The following SLC9A7 variants were observed in gnomAD, a reference collection of about 807,000 sequenced individuals.
SLC9A7 encodes solute carrier family 9 member A7, also known as sodium/hydrogen exchanger 7.
In SLC9A7, 19 loss-of-function variants were observed where a neutral mutation model predicts 52.6. The ratio of observed to expected loss-of-function variants is 0.36; its 90% CI spans 0.25 to 0.53. SLC9A7 has a LOEUF of 0.53. Among genes scored for constraint, SLC9A7 ranks in the 20% least tolerant of loss-of-function variants. The pLI is 0.91. For synonymous variants in SLC9A7, 226 were observed against 252.1 expected (o/e 0.90, Z 0.98); for missense variants, 455 against 597.9 (o/e 0.76, Z 2.49).
At chrX:46,695,221 T>A (rs188583433) in intron 1 of SLC9A7, among the ~76,000 whole-genome samples, 213 of 112,659 alleles carry the variant, frequency 1.9e-3, no homozygotes, top group African/African-American at 2.4e-3. Flanking sequence ...AGTTTTTTTT[T>A]AAAAAAAGAG....
intron 1 of SLC9A7, among the ~76,000 whole-genome samples, chrX:46,737,865 A>G (rs904794332): frequency 4.6e-5 from 5 of 108,739 alleles, no homozygotes; most frequent in Non-Finnish European, 9.5e-5. Flanking sequence ...CATCTCTACA[A>G]AATTAAAAAA....
chrX:46,701,464 G>A (rs1325962185), intron 1 of SLC9A7, among the ~76,000 whole-genome samples: 5 of 111,366 alleles, frequency 4.5e-5, no homozygotes, highest in Non-Finnish European at 9.4e-5. Flanking sequence ...GCACATGCCT[G>A]TAGTCCCAGC....
intron 15 of SLC9A7, 63 bp downstream of exon 15, chrX:46,620,914 C>A: frequency 1.2e-6 from 1 of 850,903 alleles, no homozygotes. Context: ...CATTCACCGA[C>A]AATTCAACAA....
intron 14 of SLC9A7, among the ~76,000 whole-genome samples, chrX:46,625,894 G>A (rs1220432014): frequency 9.0e-6 from 1 of 111,692 alleles, no homozygotes; most frequent in Admixed American, 9.5e-5. Flanking sequence ...CAACCTGAAT[G>A]AGCCTGGAAG....
At chrX:46,653,207 C>G (rs1240737800) in intron 8 of SLC9A7, among the ~76,000 whole-genome samples, 1 of 110,844 alleles carries the variant, frequency 9.0e-6, no homozygotes, top group Admixed American at 9.6e-5. Flanking sequence ...CCAGCCTGGA[C>G]AACATAGCAA....
At chrX:46,717,070 T>C (rs1029191340) in intron 1 of SLC9A7, among the ~76,000 whole-genome samples, 1 of 112,729 alleles carries the variant, frequency 8.9e-6, no homozygotes, top group Admixed American at 9.4e-5. Flanking sequence ...TGTCCCATTC[T>C]TGAGTAAGTA....
At chrX:46,616,179 A>G (rs376230459) in intron 15 of SLC9A7, among the ~76,000 whole-genome samples, 17 of 107,488 alleles carry the variant, frequency 1.6e-4, no homozygotes, top group African/African-American at 5.7e-4. Context: ...AAAAGCAAAA[A>G]TTAGCAGGGT....
chrX:46,742,819 G>A (rs1489694075), intron 1 of SLC9A7, among the ~76,000 whole-genome samples: 1 of 112,098 alleles, frequency 8.9e-6, no homozygotes, highest in African/African-American at 3.2e-5. Context: ...GGAGGCCAAG[G>A]TGGGAGGATC....
At chrX:46,689,210 G>T (rs752104539) in intron 1 of SLC9A7, among the ~76,000 whole-genome samples, 1 of 111,865 alleles carries the variant, frequency 8.9e-6, no homozygotes, top group Non-Finnish European at 1.9e-5. Context: ...GTTTTGTTTT[G>T]TTTTTTCCAT....
At chrX:46,732,717 T>G (rs1406501516) in intron 1 of SLC9A7, among the ~76,000 whole-genome samples, 1 of 111,878 alleles carries the variant, frequency 8.9e-6, no homozygotes, top group African/African-American at 3.3e-5. Flanking sequence ...CCTTTTAATC[T>G]AACAGTCCCA....
At chrX:46,732,532 G>A (rs745600960) in intron 1 of SLC9A7, among the ~76,000 whole-genome samples, 2 of 107,832 alleles carry the variant, frequency 1.9e-5, no homozygotes, top group South Asian at 4.1e-4. Context: ...CAGTCTGGGC[G>A]ACAGATTGAG....
chrX:46,675,060 AATGTGTGTGT>A (rs1569515601), intron 3 of SLC9A7, among the ~76,000 whole-genome samples: 1 of 39,868 alleles, frequency 2.5e-5, no homozygotes, highest in African/African-American at 7.5e-5. Flanking sequence ...AGAGAGAGTG[AATGTGTGTGT>A]GTGTGTGTGT....
chrX:46,686,584 C>G (rs149804126), intron 1 of SLC9A7, among the ~76,000 whole-genome samples: 1 of 109,960 alleles, frequency 9.1e-6, no homozygotes, highest in Admixed American at 9.6e-5. Flanking sequence ...GTGGTCATAG[C>G]TACAAGGAAT....
intron 1 of SLC9A7, among the ~76,000 whole-genome samples, chrX:46,736,096 T>A (rs944010812): frequency 1.8e-5 from 2 of 111,722 alleles, no homozygotes; most frequent in African/African-American, 6.5e-5. Flanking sequence ...CCATTCTCAT[T>A]CTCTCTCTTC....
At chrX:46,744,906 A>G (rs186515171) in intron 1 of SLC9A7, among the ~76,000 whole-genome samples, 5 of 110,925 alleles carry the variant, frequency 4.5e-5, no homozygotes, top group Non-Finnish European at 7.5e-5. Context: ...TCAAAGGTTT[A>G]CAGCAACCAA....
At chrX:46,609,731 A>T (rs990833310) in intron 16 of SLC9A7, among the ~76,000 whole-genome samples, 1 of 110,304 alleles carries the variant, frequency 9.1e-6, no homozygotes, top group African/African-American at 3.3e-5. Flanking sequence ...GAAAACAAAA[A>T]AAAACCCATG....
chrX:46,675,752 G>A (rs1343744258), intron 3 of SLC9A7, among the ~76,000 whole-genome samples: 2 of 112,591 alleles, frequency 1.8e-5, no homozygotes, highest in East Asian at 2.8e-4. Context: ...CCACACTGGG[G>A]AGGAAGGAAT....
chrX:46,721,417 A>T (rs1352087146), intron 1 of SLC9A7, among the ~76,000 whole-genome samples: 2 of 112,244 alleles, frequency 1.8e-5, no homozygotes, highest in African/African-American at 6.5e-5. Flanking sequence ...TACCCTGGAT[A>T]GAAATTAGAG....
In SLC9A7 at chrX:46,740,691, C is replaced by T. The variant is rs1463055968; in HGVS notation, c.325+18014G>A. Among the ~76,000 whole-genome samples, 10 of 111,088 alleles carry T rather than the reference C, an allele frequency of 9.0e-5. No homozygotes were observed. The Admixed American group carries it at 9.6e-4, about 11-fold the overall frequency. ...ACAAACAAATAAAACCTACAGCTAG[C>T]TTTAATGGTGAAAAACTTTGCTTTC... On this transcript the variant is annotated intron_variant, in intron 1 of 16. Coordinates refer to ENST00000616978, the MANE Select transcript of SLC9A7 (RefSeq NM_001257291.2).
Sources: gnomAD v4.1 joint callset for allele counts (sites outside exome capture counted in the v4.1 genomes callset) on GRCh38, gnomAD v4.1.1 for gene constraint, MANE v1.5 for transcripts, NCBI Gene and HGNC (gene_info 2026-07-23, HGNC 2026-07-21) for gene names.